The following TFEC variants were observed in gnomAD, a reference collection of about 807,000 sequenced individuals.
TFEC encodes the protein transcription factor EC.
In TFEC, 31 loss-of-function variants were observed where a neutral mutation model predicts 41.6. The observed-to-expected ratio is 0.74, with a 90% CI of 0.56 to 1.01. TFEC has a LOEUF of 1.01. Ranked by LOEUF, TFEC falls within the 50% of genes least tolerant of loss-of-function variation. TFEC has a pLI of 0.00. For missense variants in TFEC, 402 were observed against 404.1 expected (o/e 0.99, Z 0.04); for synonymous variants, 143 against 140.6 (o/e 1.02, Z -0.12).
intron 3 of TFEC, among the ~76,000 whole-genome samples, chr7:116,049,145 G>A (rs1178650133): frequency 6.6e-6 from 1 of 152,196 alleles, no homozygotes; most frequent in Non-Finnish European, 1.5e-5. Flanking sequence ...AACCTTAAAT[G>A]TAAATGGGCT....
chr7:116,033,037 T>C (rs1171558809), upstream of TFEC, among the ~76,000 whole-genome samples: 1 of 152,028 alleles, frequency 6.6e-6, no homozygotes, highest in Non-Finnish European at 1.5e-5. Context: ...ACCTTCTGTC[T>C]TTACCTGATT....
chr7:116,153,004 G>A (rs1050251006), intron 1 of TFEC, among the ~76,000 whole-genome samples: 1 of 152,166 alleles, frequency 6.6e-6, no homozygotes, highest in Admixed American at 6.5e-5. Flanking sequence ...CAAGAAGGTA[G>A]AGGAAAGCAT....
chr7:116,000,184 T>G (rs1233425352), intron 1 of TFEC, among the ~76,000 whole-genome samples: 2 of 152,046 alleles, frequency 1.3e-5, no homozygotes, highest in Non-Finnish European at 2.9e-5. Flanking sequence ...ATGTGATACA[T>G]CATATCAACA....
intron 7 of TFEC, chr7:115,941,673 A>T (rs1421211943): frequency 3.5e-6 from 2 of 567,710 alleles, no homozygotes; most frequent in East Asian, 5.6e-5. Flanking sequence ...GTATATACAT[A>T]TATACATATA....
chr7:116,042,509 G>C (rs941921411), intron 3 of TFEC, among the ~76,000 whole-genome samples: 1 of 152,132 alleles, frequency 6.6e-6, no homozygotes, highest in African/African-American at 2.4e-5. Flanking sequence ...CAATTAAAAT[G>C]GACAAATTTG....
At chr7:116,051,003 C>T (rs954601388) in intron 3 of TFEC, among the ~76,000 whole-genome samples, 21 of 152,080 alleles carry the variant, frequency 1.4e-4, no homozygotes, top group African/African-American at 4.3e-4. Flanking sequence ...TGTAGGGACA[C>T]GGATGAAGCT....
chr7:116,120,681 T>G (rs916986550), intron 1 of TFEC, among the ~76,000 whole-genome samples: 1 of 151,990 alleles, frequency 6.6e-6, no homozygotes, highest in Non-Finnish European at 1.5e-5. Flanking sequence ...TTTTGTCTTT[T>G]GCCTGTGTTC....
intron 3 of TFEC, among the ~76,000 whole-genome samples, chr7:116,045,591 C>T (rs557506220): frequency 2.0e-5 from 3 of 152,220 alleles, no homozygotes; most frequent in Non-Finnish European, 4.4e-5. Flanking sequence ...TGCCTCGATG[C>T]CCAGGCAAAA....
In TFEC at chr7:115,939,732, G is replaced by C. The variant is rs538893156; in HGVS notation, c.*819C>G. On this transcript the variant is annotated 3_prime_UTR_variant, in exon 8 of 8. Coordinates refer to ENST00000265440, the MANE Select transcript of TFEC (RefSeq NM_012252.4). ...ATTCTGATGCAGTCAGAAGCATGAA[G>C]AAAACAAAAGAACATATACTACCTG... is the stretch of plus-strand genomic sequence containing the variant. 1.3e-4 allele frequency: 20 copies of C among 152,096 alleles called. No homozygotes were observed. Among genetic ancestry groups the C allele is most frequent in the African/African-American group, 4.8e-4 (20 of 41,536 alleles). 9.4% of individuals were successfully genotyped at this position (152,096 alleles called of 1,614,324 possible).
chr7:116,094,941 A>G (rs143796582), intron 3 of TFEC, among the ~76,000 whole-genome samples: 2 of 152,324 alleles, frequency 1.3e-5, no homozygotes, highest in South Asian at 2.1e-4. Context: ...ACTTACAATC[A>G]CTGATTTTAT....
chr7:116,091,771 T>C (rs1797333921), intron 3 of TFEC, among the ~76,000 whole-genome samples: 1 of 152,152 alleles, frequency 6.6e-6, no homozygotes, highest in African/African-American at 2.4e-5. Context: ...TTGTTCTAAA[T>C]TCTTCTTTTT....
chr7:116,037,700 T>A (rs897490810), intron 3 of TFEC, among the ~76,000 whole-genome samples: 1 of 151,944 alleles, frequency 6.6e-6, no homozygotes, highest in Admixed American at 6.6e-5. Context: ...AACTACAAAT[T>A]ATCTAAAATA....
chr7:115,956,598 C>A, intron 4 of TFEC, 81 bp downstream of exon 4: 1 of 798,880 alleles, frequency 1.3e-6, no homozygotes, highest in South Asian at 3.8e-5. Context: ...CTTTTAAAAT[C>A]CTAGTTAGCA....
chr7:116,045,899 G>C (rs1010598695), intron 3 of TFEC, among the ~76,000 whole-genome samples: 1 of 152,220 alleles, frequency 6.6e-6, no homozygotes, highest in African/African-American at 2.4e-5. Flanking sequence ...ACCTGGATGT[G>C]AGACCTGGAG....
chr7:115,942,229 AG>A (rs1230199964), intron 6 of TFEC, among the ~76,000 whole-genome samples, 189 bp from the exon 7 acceptor site: 3 of 152,046 alleles, frequency 2.0e-5, no homozygotes, highest in Non-Finnish European at 1.5e-5. Flanking sequence ...AATTAATCCC[AG>A]AATGAAAATA....
chr7:115,962,126 A>G (rs867574990), intron 3 of TFEC, among the ~76,000 whole-genome samples: 1 of 151,790 alleles, frequency 6.6e-6, no homozygotes, highest in Non-Finnish European at 1.5e-5. Context: ...ACTTAGGAAT[A>G]AACTTAACCC....
In TFEC at chr7:116,007,961, A is replaced by T. The variant is rs565043300; in HGVS notation, c.-73+22672T>A. Among the ~76,000 whole-genome samples the T allele has an allele frequency of 8.3e-4, 126 of 152,322 alleles. 1 individual carries two copies. Among genetic ancestry groups the T allele is most frequent in the African/African-American group, 3.0e-3 (123 of 41,582 alleles). ...ATTCACTCAGCAAACATTTAATGAG[A>T]GTTTGTGCTTTGTTAAAACCAGTCC... On this transcript the variant is annotated intron_variant, in intron 1 of 7. Transcript: ENST00000265440.
At chr7:116,097,992 C>T (rs546500895) in intron 3 of TFEC, among the ~76,000 whole-genome samples, 1 of 152,214 alleles carries the variant, frequency 6.6e-6, no homozygotes, top group South Asian at 2.1e-4. Flanking sequence ...CTTAACTCTT[C>T]ACATATCAAT....
chr7:115,975,077 T>C (rs1329959216), intron 2 of TFEC, among the ~76,000 whole-genome samples: 1 of 152,202 alleles, frequency 6.6e-6, no homozygotes, highest in East Asian at 1.9e-4. Flanking sequence ...ACTGACATCC[T>C]AGAAATTTGG....
Sources: allele counts gnomAD v4.1 joint callset (sites outside exome capture counted in the v4.1 genomes callset), GRCh38; gene constraint gnomAD v4.1.1; transcripts MANE v1.5; gene names NCBI Gene and HGNC (gene_info 2026-07-23, HGNC 2026-07-21).